Variants in PEX14 observed in about 807,000 individuals in gnomAD.
PEX14 encodes peroxisomal biogenesis factor 14.
A neutral mutation model predicts 49.5 loss-of-function variants in PEX14; 15 were observed. The ratio of observed to expected loss-of-function variants is 0.30; its 90% CI spans 0.20 to 0.47. The LOEUF (loss-of-function observed/expected upper bound fraction) is 0.47. Ranked by LOEUF, PEX14 falls within the 20% of genes least tolerant of loss-of-function variation. PEX14 has a pLI of 1.00. For synonymous variants in PEX14, 210 were observed against 212.7 expected (o/e 0.99, Z 0.11); for missense variants, 398 against 494.8 (o/e 0.80, Z 1.86).
At chr1:10,570,822 G>C (rs1419954400) in intron 3 of PEX14, among the ~76,000 whole-genome samples, 1 of 143,128 alleles carries the variant, frequency 7.0e-6, no homozygotes, top group Admixed American at 7.1e-5. Context: ...CTAACTGGAA[G>C]TTTCTTTAGA....
chr1:10,496,992 A>G (rs532494407), intron 2 of PEX14, among the ~76,000 whole-genome samples: 2 of 151,686 alleles, frequency 1.3e-5, no homozygotes, highest in Non-Finnish European at 2.9e-5. Context: ...AATTAAAAAA[A>G]CCCCCGAAAT....
intron 3 of PEX14, among the ~76,000 whole-genome samples, chr1:10,549,433 C>A (rs1209557351): frequency 6.6e-6 from 1 of 152,152 alleles, no homozygotes; most frequent in Non-Finnish European, 1.5e-5. Flanking sequence ...CTAGAAAAAT[C>A]GGTGTAACTT....
At chr1:10,506,099 A>G (rs1464542535) in intron 2 of PEX14, among the ~76,000 whole-genome samples, 2 of 152,096 alleles carry the variant, frequency 1.3e-5, no homozygotes, top group Non-Finnish European at 1.5e-5. Context: ...GGTCCCATGG[A>G]ACGTACTCAC....
At chr1:10,534,646 T>C (rs913455673) in intron 2 of PEX14, among the ~76,000 whole-genome samples, 6 of 152,164 alleles carry the variant, frequency 3.9e-5, no homozygotes, top group South Asian at 4.1e-4. Context: ...AGAACTGGTC[T>C]ATTACTGTGG....
chr1:10,613,019 C>G lies in PEX14; in HGVS notation c.299-5313C>G, dbSNP rs967899465. 1.3e-5 allele frequency among the ~76,000 whole-genome samples: 2 copies of G among 152,262 alleles called. No homozygotes were observed. The highest frequency in any genetic ancestry group is 4.8e-5 in the African/African-American group (2 of 41,476). ...CTCCCTCTTGTCAGCCAGCACATCA[C>G]TGGAGTGCCTGTTGTCTCGGCAGGA... On this transcript the variant is annotated intron_variant, in intron 4 of 8. Coordinates refer to ENST00000356607, the MANE Select transcript of PEX14 (RefSeq NM_004565.3). This position sits in a 1 kb window ranked among gnomAD's most constrained non-coding sequence, Gnocchi z 5.0.
chr1:10,537,573 T>C (rs1452809970), intron 3 of PEX14, among the ~76,000 whole-genome samples: 1 of 151,956 alleles, frequency 6.6e-6, no homozygotes. Context: ...TGAGACAAAA[T>C]CTATGGTTGC....
chr1:10,508,906 C>T (rs1641835885), intron 2 of PEX14, among the ~76,000 whole-genome samples: 1 of 151,604 alleles, frequency 6.6e-6, no homozygotes, highest in South Asian at 2.1e-4. Context: ...AGCTCCACTG[C>T]AGAGAGTGGC....
intron 3 of PEX14, among the ~76,000 whole-genome samples, chr1:10,588,335 C>T (rs1640562805): frequency 6.6e-6 from 1 of 152,094 alleles, no homozygotes; most frequent in Non-Finnish European, 1.5e-5. Context: ...CACCACTGTG[C>T]CCAGCTACAT....
chr1:10,614,509 A>G (rs528316821), intron 4 of PEX14, among the ~76,000 whole-genome samples: 1 of 152,236 alleles, frequency 6.6e-6, no homozygotes, highest in African/African-American at 2.4e-5. Context: ...CTGGTCCTCA[A>G]CCCACACAGC....
chr1:10,514,475 C>T lies in PEX14; in HGVS notation c.84+19154C>T, dbSNP rs984105661. 6.6e-6 allele frequency among the ~76,000 whole-genome samples: 1 copy of T among 152,182 alleles called. No individual in the cohort carries two copies. Among genetic ancestry groups the T allele is most frequent in the African/African-American group, 2.4e-5 (1 of 41,434 alleles). ...AGGAAATTGGTCTATTAGCGATTCA[C>T]CTTCTTGGTGAGTAGCTAATACCTT... is the stretch of plus-strand genomic sequence containing the variant. On this transcript the variant is annotated intron_variant, in intron 2 of 8. Transcript: ENST00000356607. This position sits in a 1 kb window ranked among gnomAD's most constrained non-coding sequence, Gnocchi z 4.4.
intron 3 of PEX14, among the ~76,000 whole-genome samples, chr1:10,540,165 C>T (rs72641408): frequency 4.6e-5 from 7 of 152,268 alleles, no homozygotes; most frequent in Admixed American, 1.3e-4. Flanking sequence ...GTAGAAACCC[C>T]GGTAGCAAAA....
chr1:10,567,103 A>G lies in PEX14; in HGVS notation c.169+30806A>G, dbSNP rs573319378. ...ATGAGAAATAAAACTTTATTTATGG[A>G]CACTGAAATTTGAATTTCATCTAAT... On this transcript the variant is annotated intron_variant, in intron 3 of 8. Transcript: ENST00000356607. Among the ~76,000 whole-genome samples, 5 of 152,354 alleles carry G rather than the reference A, an allele frequency of 3.3e-5. No homozygotes were observed. In the South Asian group the frequency reaches 8.3e-4, roughly 25 times the overall value.
chr1:10,570,119 T>A (rs1181101350), intron 3 of PEX14, among the ~76,000 whole-genome samples: 1 of 152,158 alleles, frequency 6.6e-6, no homozygotes, highest in Non-Finnish European at 1.5e-5. Flanking sequence ...TTTCTTCTAA[T>A]AGTTTGTCTT....
At chr1:10,534,753 T>C (rs1638749761) in intron 2 of PEX14, among the ~76,000 whole-genome samples, 1 of 152,188 alleles carries the variant, frequency 6.6e-6, no homozygotes, top group Non-Finnish European at 1.5e-5. Flanking sequence ...GTATGTCCTG[T>C]TGGTGACAGG....
intron 1 of PEX14, among the ~76,000 whole-genome samples, chr1:10,475,667 C>T (rs1034958818): frequency 6.6e-6 from 1 of 152,180 alleles, no homozygotes; most frequent in Non-Finnish European, 1.5e-5. Context: ...AGACAAATCC[C>T]ACTCCAATAA....
At position 10,494,072 on chromosome 1, in the gene PEX14, C is replaced by A. The variant is rs759305427; in HGVS notation, c.37-1202C>A. On this transcript the variant is annotated intron_variant, in intron 1 of 8. Transcript: ENST00000356607. This position sits in a 1 kb window ranked among gnomAD's most constrained non-coding sequence, Gnocchi z 4.3. ...TCACATTCCCTGAGACGGACCCTCA[C>A]TTTCTAGATCGTTTCCTGCTGGCTG... Among the ~76,000 whole-genome samples, 7 of 152,194 alleles carry A rather than the reference C, an allele frequency of 4.6e-5. No homozygotes were observed. The highest frequency in any genetic ancestry group is 1.0e-4 in the Non-Finnish European group (7 of 68,034).
At chr1:10,588,902 C>T (rs1371562528) in intron 3 of PEX14, among the ~76,000 whole-genome samples, 1 of 151,918 alleles carries the variant, frequency 6.6e-6, no homozygotes, top group East Asian at 1.9e-4. Context: ...ATTGTAAGAA[C>T]AAATCTATCC....
chr1:10,474,991 C>G lies in PEX14; in HGVS notation c.25C>G (p.Gln9Glu). MASSEQAE[Q>E]PSQPSSTPGS... ...GATGGCGTCCTCGGAGCAGGCAGAG[C>G]AGCCGAGCCAGGTAAGGGGAGTGGG... Residue 9 changes from glutamine (Q) to glutamate (E), a missense_variant, in exon 1 of 9, where the codon CAG (glutamine) becomes GAG (glutamate). By Grantham distance (29) the Gln-to-Glu change is conservative. Coordinates refer to ENST00000356607, the MANE Select transcript of PEX14 (RefSeq NM_004565.3). 1 of 1,609,818 alleles carries G rather than the reference C, an allele frequency of 6.2e-7. No individual in the cohort carries two copies. The highest frequency in any genetic ancestry group is 8.5e-7 in the Non-Finnish European group (1 of 1,178,446).
intron 3 of PEX14, among the ~76,000 whole-genome samples, chr1:10,577,552 A>T (rs1570295641): frequency 3.3e-4 from 3 of 9,222 alleles, no homozygotes; most frequent in South Asian, 4.5e-3. Context: ...ATATATATAT[A>T]TATATATATA....
Sources: gnomAD v4.1 joint callset for allele counts (sites outside exome capture counted in the v4.1 genomes callset) on GRCh38, gnomAD v4.1.1 for gene constraint, Gnocchi (gnomAD v3.1) non-coding constraint, MANE v1.5 for transcripts, NCBI Gene and HGNC (gene_info 2026-07-23, HGNC 2026-07-21) for gene names.